VRTN: variants seen among roughly 807,000 people sequenced by gnomAD.
The protein encoded by VRTN is vertebrae development associated.
A neutral mutation model predicts 18.2 loss-of-function variants in VRTN; 5 were observed. The ratio of observed to expected loss-of-function variants is 0.27; its 90% CI spans 0.14 to 0.58. The LOEUF (loss-of-function observed/expected upper bound fraction) is 0.58, where lower values mean the gene tolerates loss of function less well. Among genes scored for constraint, VRTN ranks in the 20% least tolerant of loss-of-function variants. The pLI, the probability that VRTN is intolerant of heterozygous loss-of-function variation, is 0.91. For missense variants in VRTN, 741 were observed against 939.4 expected (o/e 0.79, Z 2.76); for synonymous variants, 381 against 393.7 (o/e 0.97, Z 0.38).
chr14:74,337,602 G>C (rs2085573745), intron 1 of VRTN: 1 of 152,148 alleles, frequency 6.6e-6, no homozygotes, highest in Non-Finnish European at 1.5e-5. Context: ...AACTCGGAGG[G>C]GAAGGACCAC....
intron 2 of VRTN, among the ~76,000 whole-genome samples, chr14:74,339,244 G>T (rs72730128): frequency 2.0e-5 from 3 of 152,132 alleles, no homozygotes; most frequent in Non-Finnish European, 4.4e-5. Context: ...TCATTTCATT[G>T]GCCCTGTAAA....
intron 1 of VRTN, among the ~76,000 whole-genome samples, chr14:74,331,219 T>TAAAC (rs36042325): frequency 0.58 from 84,198 of 143,972 alleles, 25,686 homozygotes; most frequent in East Asian, 0.83. Flanking sequence ...AATAAATAAA[T>TAAAC]AAACAAACAA....
At chr14:74,327,926 G>A (rs1476770162) in intron 1 of VRTN, among the ~76,000 whole-genome samples, 1 of 151,998 alleles carries the variant, frequency 6.6e-6, no homozygotes, top group Non-Finnish European at 1.5e-5. Flanking sequence ...TCACAATGTT[G>A]GCCGGGCTGG....
chr14:74,333,894 T>C (rs2085546251), intron 1 of VRTN, among the ~76,000 whole-genome samples: 1 of 151,700 alleles, frequency 6.6e-6, no homozygotes, highest in Non-Finnish European at 1.5e-5. Context: ...CATAACAACA[T>C]TTGAGTGTTC....
intron 1 of VRTN, among the ~76,000 whole-genome samples, chr14:74,353,884 G>A (rs1158942799): frequency 6.6e-6 from 1 of 151,980 alleles, no homozygotes; most frequent in African/African-American, 2.4e-5. Context: ...CAGCGTGCCC[G>A]GCTAATTTTT....
chr14:74,304,312 A>G (rs549156784), intron 1 of VRTN, among the ~76,000 whole-genome samples: 1 of 151,444 alleles, frequency 6.6e-6, no homozygotes, highest in African/African-American at 2.4e-5. Context: ...ATGCACCACT[A>G]TACCCGGCTA....
intron 1 of VRTN, among the ~76,000 whole-genome samples, chr14:74,324,296 G>A (rs1304469347): frequency 2.7e-5 from 4 of 150,500 alleles, no homozygotes; most frequent in African/African-American, 9.8e-5. Flanking sequence ...GCTGAGGCAG[G>A]AGAATCGCTT....
intron 1 of VRTN, among the ~76,000 whole-genome samples, chr14:74,351,604 C>A (rs1431840437): frequency 6.6e-6 from 1 of 150,840 alleles, no homozygotes; most frequent in East Asian, 1.9e-4. Flanking sequence ...ACCTCAGCCT[C>A]CTGAGTAGCT....
chr14:74,353,100 AC>A (rs1397195384), intron 1 of VRTN, among the ~76,000 whole-genome samples: 1 of 151,922 alleles, frequency 6.6e-6, no homozygotes, highest in Non-Finnish European at 1.5e-5. Flanking sequence ...AGACCATGAG[AC>A]CACCCTGTCG....
chr14:74,306,770 T>G (rs1939771773), intron 1 of VRTN, among the ~76,000 whole-genome samples: 1 of 140,362 alleles, frequency 7.1e-6, no homozygotes, highest in African/African-American at 2.7e-5. Flanking sequence ...AATTTTTAAG[T>G]TTTTTTTTTT....
chr14:74,357,833 G>A lies in VRTN; in HGVS notation c.1050G>A (p.Trp350Ter). ...TCTCCCGCTCAACCTACTATGCCTG[G>A]AAGCATGAGCTGCTGGGCTCTGGCA... ...PEISRSTYYA[W>*]KHELLGSGTC... Residue 350 changes from tryptophan to a stop codon, truncating the protein, a stop_gained, in exon 2 of 2, where the codon TGG becomes TGA. Coordinates refer to ENST00000256362, the MANE Select transcript of VRTN (RefSeq NM_018228.3). LOFTEE classifies it low-confidence loss of function (END_TRUNC). This position sits in a 1 kb window ranked among gnomAD's most constrained non-coding sequence, Gnocchi z 7.8. The A allele has an allele frequency of 6.2e-7, 1 of 1,613,648 alleles. No homozygotes were observed. Among genetic ancestry groups the A allele is most frequent in the Non-Finnish European group, 8.5e-7 (1 of 1,180,040 alleles).
intron 2 of VRTN, among the ~76,000 whole-genome samples, chr14:74,340,701 GAATA>G (rs764852327): frequency 1.3e-5 from 2 of 152,170 alleles, no homozygotes; most frequent in Admixed American, 1.3e-4. Context: ...ATGCACAAGT[GAATA>G]AATAAATGAT....
intron 1 of VRTN, among the ~76,000 whole-genome samples, chr14:74,335,931 G>A (rs2085561058): frequency 1.3e-5 from 2 of 151,372 alleles, no homozygotes; most frequent in African/African-American, 4.8e-5. Context: ...AGTAGAGATG[G>A]GGTTTCACCA....
intron 1 of VRTN, among the ~76,000 whole-genome samples, chr14:74,353,247 C>T (rs1430327636): frequency 6.6e-6 from 1 of 152,036 alleles, no homozygotes; most frequent in Non-Finnish European, 1.5e-5. Context: ...AAAGAATGAG[C>T]CACTGTACCC....
chr14:74,340,549 A>ACC (rs2085597999), intron 2 of VRTN, among the ~76,000 whole-genome samples: 1 of 151,970 alleles, frequency 6.6e-6, no homozygotes, highest in East Asian at 1.9e-4. Flanking sequence ...GGCCAATGAG[A>ACC]AGCCTTTTGA....
intron 1 of VRTN, among the ~76,000 whole-genome samples, chr14:74,332,684 T>A (rs541156096): frequency 6.6e-6 from 1 of 152,146 alleles, no homozygotes; most frequent in East Asian, 1.9e-4. Context: ...CTTCACTTCC[T>A]TTAACAACCA....
rs1289468268 is a variant in VRTN at position 74,303,846 on chromosome 14, T to C, written c.-164+670T>C. ...GTCAATCAGTTGACAATTACAGATT[T>C]TTTTTTTTTTTTTTTTTTTTTTGAT... On this transcript the variant is annotated intron_variant, in intron 1 of 2. Coordinates refer to the VRTN transcript ENST00000557177. Among the ~76,000 whole-genome samples, 252 of 138,664 alleles carry C rather than the reference T, an allele frequency of 1.8e-3. 1 individual carries two copies. The highest frequency in any genetic ancestry group is 7.0e-3 in the African/African-American group (244 of 34,620). 91.0% of individuals were successfully genotyped at this position (138,664 alleles called of 152,430 possible).
At chr14:74,344,237 T>G (rs2085626887), upstream of VRTN, among the ~76,000 whole-genome samples, 1 of 2,986 alleles carries the variant, frequency 3.3e-4, no homozygotes, top group African/African-American at 3.2e-3. Context: ...AACAAGACTC[T>G]GCTTTCTACA....
intron 1 of VRTN, among the ~76,000 whole-genome samples, chr14:74,326,583 C>T (rs372205817): frequency 8.5e-5 from 13 of 152,124 alleles, no homozygotes; most frequent in Non-Finnish European, 1.9e-4. Context: ...CTGCTGGCAG[C>T]GGGGGCTCCA....
Sources: allele counts gnomAD v4.1 joint callset (sites outside exome capture counted in the v4.1 genomes callset), GRCh38; gene constraint gnomAD v4.1.1; non-coding constraint Gnocchi (gnomAD v3.1); transcripts MANE v1.5; gene names NCBI Gene and HGNC (gene_info 2026-07-23, HGNC 2026-07-21).